Variants in SGCG observed in about 807,000 individuals in gnomAD.
SGCG encodes the protein gamma-sarcoglycan.
SGCG carries 26 observed loss-of-function variants against 29.3 expected under a neutral mutation model. That is an observed-to-expected ratio of 0.89 (90% CI 0.65 to 1.23). SGCG has a LOEUF of 1.23. Among genes scored for constraint, SGCG ranks in the 50% most tolerant of loss-of-function variants. SGCG has a pLI of 0.00. For synonymous variants in SGCG, 145 were observed against 129.7 expected, an observed-to-expected ratio of 1.12 and a Z score of -0.80; for missense variants, 353 against 356.0, an observed-to-expected ratio of 0.99 and a Z score of 0.07.
intron 1 of SGCG, among the ~76,000 whole-genome samples, chr13:23,195,802 T>G (rs1353362660): frequency 6.6e-6 from 1 of 152,068 alleles, no homozygotes; most frequent in Non-Finnish European, 1.5e-5. Flanking sequence ...CTGAGCAATT[T>G]GACTAAAAGA....
chr13:23,203,229 A>G (rs1004098263), intron 1 of SGCG, among the ~76,000 whole-genome samples: 76 of 152,106 alleles, frequency 5.0e-4, no homozygotes, highest in African/African-American at 1.7e-3. Context: ...AAAGTGCTGG[A>G]ATTACAGGCG....
intron 1 of SGCG, among the ~76,000 whole-genome samples, chr13:23,189,087 C>T (rs980983732): frequency 3.9e-5 from 6 of 152,188 alleles, no homozygotes; most frequent in African/African-American, 1.4e-4. Flanking sequence ...GCGGTCATCC[C>T]CCGTCCTCTC....
intron 7 of SGCG, 130 bp downstream of exon 7, chr13:23,320,890 A>G: frequency 1.0e-6 from 1 of 976,048 alleles, no homozygotes; most frequent in Admixed American, 1.9e-5. Flanking sequence ...ATAGAGTAGC[A>G]AATGTACAAG....
chr13:23,269,838 GT>G (rs71100163), intron 4 of SGCG, among the ~76,000 whole-genome samples: 51 of 124,778 alleles, frequency 4.1e-4, no homozygotes, highest in African/African-American at 8.6e-4. Flanking sequence ...TATGTATTTT[GT>G]TTTTTTTTTT....
In SGCG at chr13:23,290,694, A is replaced by G. The variant is rs531405815; in HGVS notation, c.506-4721A>G. On this transcript the variant is annotated intron_variant, in intron 5 of 7. Coordinates refer to ENST00000218867, the MANE Select transcript of SGCG (RefSeq NM_000231.3). ...AATTTTTTTGGCATCACTTGAAAAG[A>G]CCGTATCAGTCCATAAATGCTCAAT... Among the ~76,000 whole-genome samples the G allele has an allele frequency of 7.2e-5, 11 of 152,338 alleles. 1 individual carries two copies. Among genetic ancestry groups the G allele is most frequent in the Non-Finnish European group, 1.0e-4 (7 of 68,030 alleles).
intron 2 of SGCG, among the ~76,000 whole-genome samples, chr13:23,211,939 A>G (rs968138602): frequency 1.3e-5 from 2 of 152,098 alleles, no homozygotes; most frequent in African/African-American, 2.4e-5. Context: ...GTGGGAGGTG[A>G]TTGGATCATG....
intron 6 of SGCG, among the ~76,000 whole-genome samples, chr13:23,299,429 TA>T (rs1882040608): frequency 1.6e-3 from 23 of 14,248 alleles, no homozygotes; most frequent in African/African-American, 2.6e-3. Context: ...TATATATATA[TA>T]TATATATATA....
chr13:23,274,249 C>T (rs1258614266), intron 4 of SGCG, among the ~76,000 whole-genome samples: 3 of 152,092 alleles, frequency 2.0e-5, no homozygotes, highest in Admixed American at 6.6e-5. Flanking sequence ...CCTCATCTGT[C>T]CTCTCCGTGG....
chr13:23,293,232 CAT>C (rs1438117475), intron 5 of SGCG, among the ~76,000 whole-genome samples: 1 of 152,158 alleles, frequency 6.6e-6, no homozygotes, highest in Non-Finnish European at 1.5e-5. Context: ...GTATAATTTA[CAT>C]AAATTATAAT....
chr13:23,301,191 T>C (rs983442241), intron 6 of SGCG, among the ~76,000 whole-genome samples: 3 of 152,174 alleles, frequency 2.0e-5, no homozygotes, highest in South Asian at 2.1e-4. Context: ...GGAACTGTTA[T>C]GTCATAGAGC....
intron 6 of SGCG, among the ~76,000 whole-genome samples, chr13:23,315,843 T>G (rs373817998): frequency 6.6e-6 from 1 of 152,330 alleles, no homozygotes; most frequent in African/African-American, 2.4e-5. Flanking sequence ...TGGACCTCTC[T>G]GAGTGGTCAA....
intron 4 of SGCG, among the ~76,000 whole-genome samples, chr13:23,265,716 G>A (rs374818643): frequency 2.4e-4 from 36 of 152,274 alleles, no homozygotes; most frequent in African/African-American, 7.9e-4. Flanking sequence ...AGACCACAAT[G>A]AGATACCACC....
chr13:23,304,408 G>A (rs1753096), intron 6 of SGCG, among the ~76,000 whole-genome samples: 109,516 of 151,542 alleles, frequency 0.72, 41,467 homozygotes, highest in East Asian at 0.89. Flanking sequence ...ATCTTTTCCA[G>A]TTGGCCAACC....
chr13:23,192,111 T>A (rs1339075531), intron 1 of SGCG, among the ~76,000 whole-genome samples: 1 of 150,408 alleles, frequency 6.6e-6, no homozygotes, highest in Non-Finnish European at 1.5e-5. Flanking sequence ...GGAAGCGGAG[T>A]TTGCAGTGAG....
rs1463828450 is a variant in SGCG at position 23,315,755 on chromosome 13, T to A, written c.579-4882T>A. Among the ~76,000 whole-genome samples the A allele has an allele frequency of 2.0e-5, 3 of 152,304 alleles. No homozygotes were observed. The East Asian group carries it at 5.8e-4, about 29-fold the overall frequency. On this transcript the variant is annotated intron_variant, in intron 6 of 7. Transcript: ENST00000218867. ...GATTCATGGGCTGTAGCCAATGGTT[T>A]GGCTGGATGGTCAGGGACTTGGAAG...
intron 5 of SGCG, among the ~76,000 whole-genome samples, chr13:23,292,075 A>T (rs554669741): frequency 6.6e-6 from 1 of 151,686 alleles, no homozygotes; most frequent in African/African-American, 2.4e-5. Context: ...AAGCTTCTCT[A>T]GTGCCAATGA....
chr13:23,189,606 T>C (rs950619650), intron 1 of SGCG, among the ~76,000 whole-genome samples: 7 of 152,258 alleles, frequency 4.6e-5, no homozygotes, highest in African/African-American at 1.7e-4. Context: ...TGTTACATTA[T>C]ATTCATGCAT....
chr13:23,261,258 A>T (rs1247464583), intron 4 of SGCG, among the ~76,000 whole-genome samples: 1 of 151,102 alleles, frequency 6.6e-6, no homozygotes, highest in African/African-American at 2.4e-5. Context: ...TTTTTTTTTT[A>T]ATTTCAGTTA....
chr13:23,261,044 G>A (rs1235323073), intron 4 of SGCG, among the ~76,000 whole-genome samples: 1 of 151,994 alleles, frequency 6.6e-6, no homozygotes, highest in African/African-American at 2.4e-5. Context: ...GAGTATCTTT[G>A]TGGTGTTCTT....
Sources: allele counts gnomAD v4.1 joint callset (sites outside exome capture counted in the v4.1 genomes callset), GRCh38; gene constraint gnomAD v4.1.1; transcripts MANE v1.5; gene names NCBI Gene and HGNC (gene_info 2026-07-23, HGNC 2026-07-21).